SORCS1: variants seen among roughly 807,000 people sequenced by gnomAD.
SORCS1 encodes the protein VPS10 domain-containing receptor SorCS1.
In SORCS1, 60 loss-of-function variants were observed where a neutral mutation model predicts 146.1. The ratio of observed to expected loss-of-function variants is 0.41; its 90% CI spans 0.33 to 0.51. The LOEUF is 0.51. Ranked by LOEUF, SORCS1 falls within the 20% of genes least tolerant of loss-of-function variation. SORCS1 has a pLI of 0.21. For synonymous variants in SORCS1, 637 were observed against 584.0 expected (o/e 1.09, Z -1.31); for missense variants, 1,352 against 1,487.6 (o/e 0.91, Z 1.50).
intron 5 of SORCS1, among the ~76,000 whole-genome samples, chr10:106,748,934 T>G (rs925102832): frequency 5.3e-5 from 8 of 152,230 alleles, no homozygotes; most frequent in Admixed American, 2.6e-4. Context: ...ATATACATAA[T>G]GTGGCATACA....
At chr10:107,147,431 TC>T (rs965368045) in intron 1 of SORCS1, among the ~76,000 whole-genome samples, 1 of 151,922 alleles carries the variant, frequency 6.6e-6, no homozygotes, top group African/African-American at 2.4e-5. Flanking sequence ...ACCCCTACCC[TC>T]CCTGCCACAA....
chr10:106,853,622 G>C (rs1949673268), intron 2 of SORCS1, among the ~76,000 whole-genome samples: 1 of 151,244 alleles, frequency 6.6e-6, no homozygotes, highest in Non-Finnish European at 1.5e-5. Context: ...TCTAAGCATG[G>C]CTTTTACTGC....
intron 19 of SORCS1, 39 bp downstream of exon 19, chr10:106,629,163 T>G (rs1351207678): frequency 6.4e-7 from 1 of 1,566,262 alleles, no homozygotes; most frequent in Non-Finnish European, 8.7e-7. Flanking sequence ...GGACACAATA[T>G]TTAAGATAGG....
chr10:106,842,979 T>C (rs1432281441), intron 2 of SORCS1, among the ~76,000 whole-genome samples: 4 of 152,210 alleles, frequency 2.6e-5, no homozygotes, highest in East Asian at 1.9e-4. Flanking sequence ...ACTGATACGA[T>C]TGACAAATGT....
intron 2 of SORCS1, among the ~76,000 whole-genome samples, chr10:106,923,527 AAG>A (rs1952829540): frequency 6.6e-6 from 1 of 152,184 alleles, no homozygotes; most frequent in Non-Finnish European, 1.5e-5. Flanking sequence ...TTAGTTTTAT[AAG>A]AAACTGCGAA....
intron 1 of SORCS1, among the ~76,000 whole-genome samples, chr10:106,996,570 C>T (rs1201737880): frequency 6.6e-6 from 1 of 152,138 alleles, no homozygotes; most frequent in Non-Finnish European, 1.5e-5. Context: ...AAGTCAAATG[C>T]ACAAGTTCTC....
chr10:106,920,428 T>C lies in SORCS1; in HGVS notation c.626+36085A>G, dbSNP rs150848662. On this transcript the variant is annotated intron_variant, in intron 2 of 25. Transcript: ENST00000263054. The stretch of plus-strand genomic sequence containing the variant: ...CTTTAAATCACACGCATGGTCTTAA[T>C]TTCTGTAAATAAAATGTCCGGCTGA... 3.5e-3 allele frequency among the ~76,000 whole-genome samples: 527 copies of C among 152,284 alleles called. 2 individuals carry two copies. The highest frequency in any genetic ancestry group is 0.012 in the African/African-American group (491 of 41,550).
chr10:106,595,464 C>T (rs527716773), intron 24 of SORCS1, among the ~76,000 whole-genome samples: 2 of 152,248 alleles, frequency 1.3e-5, no homozygotes, highest in East Asian at 1.9e-4. Context: ...TGATGGCTTA[C>T]TCACTAAAGT....
At chr10:106,838,370 C>G (rs1366280416) in intron 2 of SORCS1, among the ~76,000 whole-genome samples, 1 of 152,108 alleles carries the variant, frequency 6.6e-6, no homozygotes, top group African/African-American at 2.4e-5. Context: ...CATAGCTTTC[C>G]CCATTATCAA....
chr10:107,049,960 T>C (rs1285583154), intron 1 of SORCS1, among the ~76,000 whole-genome samples: 1 of 152,160 alleles, frequency 6.6e-6, no homozygotes, highest in Non-Finnish European at 1.5e-5. Context: ...AGCTTAGAAG[T>C]TTCGCTTCAA....
At chr10:106,652,631 T>C (rs971100320) in intron 17 of SORCS1, 78 bp from the exon 18 acceptor site, 1 of 1,522,944 alleles carries the variant, frequency 6.6e-7, no homozygotes, top group African/African-American at 1.4e-5. Flanking sequence ...TTAGACATAG[T>C]GCCTAGCCCT....
chr10:106,657,935 T>C (rs1328509289), intron 17 of SORCS1, among the ~76,000 whole-genome samples: 2 of 152,046 alleles, frequency 1.3e-5, no homozygotes, highest in Admixed American at 6.6e-5. Flanking sequence ...TTTCAGCACA[T>C]TTAGAACGTT....
At chr10:106,769,384 C>T (rs1295813335) in intron 4 of SORCS1, among the ~76,000 whole-genome samples, 1 of 150,946 alleles carries the variant, frequency 6.6e-6, no homozygotes, top group Non-Finnish European at 1.5e-5. Flanking sequence ...ACTTGGGAGG[C>T]TGAGGCAGGA....
intron 6 of SORCS1, among the ~76,000 whole-genome samples, chr10:106,725,176 A>G (rs1856060170): frequency 6.6e-6 from 1 of 152,136 alleles, no homozygotes; most frequent in South Asian, 2.1e-4. Context: ...AAAACATTAT[A>G]TTATTGTAAA....
At chr10:106,785,564 A>G (rs1946018015) in intron 3 of SORCS1, among the ~76,000 whole-genome samples, 1 of 152,204 alleles carries the variant, frequency 6.6e-6, no homozygotes, top group Admixed American at 6.5e-5. Flanking sequence ...CCTTTCCTAC[A>G]CTAACAAGTA....
intron 21 of SORCS1, among the ~76,000 whole-genome samples, chr10:106,617,202 G>A (rs12761548): frequency 2.0e-5 from 3 of 151,790 alleles, no homozygotes; most frequent in East Asian, 1.9e-4. Context: ...TGACCCACCC[G>A]CCTCGGCCTC....
intron 1 of SORCS1, among the ~76,000 whole-genome samples, chr10:107,095,791 T>TA (rs1405561827): frequency 1.3e-5 from 2 of 151,610 alleles, no homozygotes; most frequent in Admixed American, 6.6e-5. Flanking sequence ...TGAGGAATAT[T>TA]AAAAAAAAGG....
chr10:106,751,024 A>G (rs1261895874), intron 5 of SORCS1, among the ~76,000 whole-genome samples: 1 of 124,562 alleles, frequency 8.0e-6, no homozygotes, highest in South Asian at 2.8e-4. Flanking sequence ...GTGCCACTGC[A>G]CTCCAGCCTG....
intron 1 of SORCS1, among the ~76,000 whole-genome samples, chr10:107,002,467 T>TGTCTC (rs1318277859): frequency 1.3e-5 from 2 of 152,214 alleles, no homozygotes; most frequent in Non-Finnish European, 2.9e-5. Flanking sequence ...TTAGATGCCT[T>TGTCTC]GTCTCTCTCA....
Sources: gnomAD v4.1 joint callset for allele counts (sites outside exome capture counted in the v4.1 genomes callset) on GRCh38, gnomAD v4.1.1 for gene constraint, MANE v1.5 for transcripts, NCBI Gene and HGNC (gene_info 2026-07-23, HGNC 2026-07-21) for gene names.